Variants in CCDC3 observed in about 807,000 individuals in gnomAD.
CCDC3 encodes the protein coiled-coil domain-containing protein 3.
In CCDC3, 24 loss-of-function variants were observed where a neutral mutation model predicts 21.4. The ratio of observed to expected loss-of-function variants is 1.12; its 90% CI spans 0.81 to 1.58. The LOEUF is 1.58. Among genes scored for constraint, CCDC3 ranks in the 40% most tolerant of loss-of-function variants. The pLI, the probability that CCDC3 is intolerant of heterozygous loss-of-function variation, is 0.00. For missense variants in CCDC3, 425 were observed against 360.9 expected, an observed-to-expected ratio of 1.18 and a Z score of -1.44; for synonymous variants, 186 against 166.0, an observed-to-expected ratio of 1.12 and a Z score of -0.93.
intron 3 of CCDC3, among the ~76,000 whole-genome samples, chr10:13,075,545 A>C (rs1836953423): frequency 6.6e-6 from 1 of 152,082 alleles, no homozygotes; most frequent in South Asian, 2.1e-4. Flanking sequence ...TGAATCTGCT[A>C]AAAATAAGGG....
chr10:13,060,011 G>A (rs1836735004), intron 4 of CCDC3, among the ~76,000 whole-genome samples: 1 of 152,078 alleles, frequency 6.6e-6, no homozygotes, highest in African/African-American at 2.4e-5. Context: ...TTGAACCAGG[G>A]AGTCAGAGGT....
chr10:12,959,585 G>C (rs1835147948), intron 2 of CCDC3, among the ~76,000 whole-genome samples: 1 of 152,176 alleles, frequency 6.6e-6, no homozygotes, highest in Admixed American at 6.5e-5. Flanking sequence ...TCAGGGGTCA[G>C]GGTGAGCTAA....
intron 2 of CCDC3, among the ~76,000 whole-genome samples, chr10:12,912,130 A>G (rs1834279800): frequency 6.6e-6 from 1 of 150,588 alleles, no homozygotes; most frequent in Non-Finnish European, 1.5e-5. Context: ...TCTTCGACAT[A>G]CTGACTTTGG....
chr10:12,969,820 G>A (rs1475262356), intron 2 of CCDC3, among the ~76,000 whole-genome samples: 1 of 151,062 alleles, frequency 6.6e-6, no homozygotes, highest in Non-Finnish European at 1.5e-5. Flanking sequence ...GGATGAACCT[G>A]GAGGAAATTA....
intron 5 of CCDC3, among the ~76,000 whole-genome samples, chr10:13,033,986 T>G (rs543765521): frequency 4.6e-4 from 70 of 152,262 alleles, no homozygotes; most frequent in African/African-American, 1.5e-3. Context: ...GCAATCCCAT[T>G]ACTGGGTATA....
chr10:13,041,701 T>G (rs368218982), intron 5 of CCDC3, among the ~76,000 whole-genome samples: 2 of 151,792 alleles, frequency 1.3e-5, no homozygotes, highest in South Asian at 4.2e-4. Context: ...GTGGCCAGGC[T>G]GGTCTCGAAC....
chr10:12,932,151 C>T (rs1340308844), intron 2 of CCDC3, among the ~76,000 whole-genome samples: 1 of 151,860 alleles, frequency 6.6e-6, no homozygotes, highest in Non-Finnish European at 1.5e-5. Context: ...TTAGATTATT[C>T]TTAAATATTT....
intron 2 of CCDC3, among the ~76,000 whole-genome samples, chr10:12,928,137 C>A (rs1834575413): frequency 6.6e-6 from 1 of 152,196 alleles, no homozygotes; most frequent in Non-Finnish European, 1.5e-5. Flanking sequence ...TGTAGACAGA[C>A]CCAGAGTTTA....
intron 2 of CCDC3, among the ~76,000 whole-genome samples, chr10:12,966,985 T>C (rs549748433): frequency 1.3e-5 from 2 of 152,332 alleles, no homozygotes; most frequent in South Asian, 4.1e-4. Flanking sequence ...GCCTGTATCA[T>C]CTTCCAGATC....
rs926683426 is a variant in CCDC3 at position 12,937,683 on chromosome 10, G to C, written c.550-39004C>G. 7.9e-5 allele frequency among the ~76,000 whole-genome samples: 12 copies of C among 152,280 alleles called. No individual in the cohort carries two copies. The East Asian group carries it at 1.5e-3, about 20-fold the overall frequency. Reference sequence around the variant, plus strand: ...GGCACAGAAAAGTTTAAAAACCCTTGTTCCATAGGGACAGTATGTGTGACT... The same window carrying C: ...GGCACAGAAAAGTTTAAAAACCCTTCTTCCATAGGGACAGTATGTGTGACT... On this transcript the variant is annotated intron_variant, in intron 2 of 2. Coordinates refer to ENST00000378825, the MANE Select transcript of CCDC3 (RefSeq NM_031455.4).
At chr10:12,933,387 T>C (rs1834681753) in intron 2 of CCDC3, among the ~76,000 whole-genome samples, 1 of 152,200 alleles carries the variant, frequency 6.6e-6, no homozygotes, top group South Asian at 2.1e-4. Context: ...AATTGTGCCT[T>C]TTAAAGAATT....
At chr10:13,030,534 G>T (rs1370327556) in intron 5 of CCDC3, among the ~76,000 whole-genome samples, 2 of 151,954 alleles carry the variant, frequency 1.3e-5, no homozygotes, top group East Asian at 1.9e-4. Context: ...CCAATTAAAA[G>T]ATACAGACTG....
intron 2 of CCDC3, among the ~76,000 whole-genome samples, chr10:12,942,724 G>C (rs927229944): frequency 2.6e-5 from 4 of 152,170 alleles, no homozygotes; most frequent in Admixed American, 6.5e-5. Flanking sequence ...TTTGTCCCCT[G>C]TGTAAATCAG....
At chr10:12,998,980 C>T (rs1835806155) in intron 1 of CCDC3, among the ~76,000 whole-genome samples, 1 of 152,210 alleles carries the variant, frequency 6.6e-6, no homozygotes, top group African/African-American at 2.4e-5. Context: ...TGGCTCACAC[C>T]TGTAACCCCA....
At chr10:12,943,196 C>T (rs879853958) in intron 2 of CCDC3, among the ~76,000 whole-genome samples, 3 of 152,088 alleles carry the variant, frequency 2.0e-5, no homozygotes, top group African/African-American at 2.4e-5. Context: ...CTAGGATAAT[C>T]TTTGGTTAAA....
chr10:13,019,715 G>A (rs1365027834), intron 5 of CCDC3, among the ~76,000 whole-genome samples: 1 of 152,176 alleles, frequency 6.6e-6, no homozygotes, highest in Non-Finnish European at 1.5e-5. Flanking sequence ...TGAACACTGG[G>A]CTAGGCAGGG....
At chr10:13,069,315 A>G (rs1391814332) in intron 4 of CCDC3, among the ~76,000 whole-genome samples, 2 of 152,236 alleles carry the variant, frequency 1.3e-5, no homozygotes, top group Admixed American at 1.3e-4. Flanking sequence ...TATTAACTAC[A>G]TTCAAATGGT....
At chr10:13,041,329 G>C (rs1836450929) in intron 5 of CCDC3, among the ~76,000 whole-genome samples, 1 of 151,754 alleles carries the variant, frequency 6.6e-6, no homozygotes, top group African/African-American at 2.4e-5. Flanking sequence ...TCTTATTTCT[G>C]GTATAACTAT....
At chr10:13,068,699 C>G (rs1836849582) in intron 4 of CCDC3, among the ~76,000 whole-genome samples, 1 of 152,066 alleles carries the variant, frequency 6.6e-6, no homozygotes, top group Admixed American at 6.5e-5. Context: ...AGGAGTCAAA[C>G]CTTGGCTGCG....
Sources: gnomAD v4.1 joint callset for allele counts (sites outside exome capture counted in the v4.1 genomes callset) on GRCh38, gnomAD v4.1.1 for gene constraint, MANE v1.5 for transcripts, NCBI Gene and HGNC (gene_info 2026-07-23, HGNC 2026-07-21) for gene names.